Variants in LRRC20 observed in about 807,000 individuals in gnomAD.
LRRC20 encodes leucine-rich repeat-containing protein 20.
Under a neutral mutation model 14.4 loss-of-function variants are expected in LRRC20, and 11 were observed. That is an observed-to-expected ratio of 0.77 (90% CI 0.48 to 1.27). The LOEUF is 1.27. Ranked by LOEUF, LRRC20 falls within the 50% of genes most tolerant of loss-of-function variation. The pLI, the probability that LRRC20 is intolerant of heterozygous loss-of-function variation, is 0.00. For synonymous variants in LRRC20, 121 were observed against 107.3 expected (o/e 1.13, Z -0.79); for missense variants, 219 against 251.2 (o/e 0.87, Z 0.87).
intron 2 of LRRC20, among the ~76,000 whole-genome samples, chr10:70,374,336 T>G (rs1454733928): frequency 7.0e-6 from 1 of 142,472 alleles, no homozygotes; most frequent in Non-Finnish European, 1.5e-5. Context: ...GCTGTGTCCC[T>G]ATCCCCTGTG....
chr10:70,354,584 C>T (rs920590910), intron 2 of LRRC20, among the ~76,000 whole-genome samples: 2 of 152,146 alleles, frequency 1.3e-5, no homozygotes, highest in African/African-American at 2.4e-5. Flanking sequence ...CATCACTGGC[C>T]TAGAGGGGCC....
chr10:70,306,281 T>C (rs932529671), intron 4 of LRRC20, among the ~76,000 whole-genome samples: 17 of 152,266 alleles, frequency 1.1e-4, no homozygotes, highest in Non-Finnish European at 2.1e-4. Flanking sequence ...ATTGATAGAA[T>C]GTGTATCTAA....
At chr10:70,339,958 TA>T (rs568422977) in intron 3 of LRRC20, among the ~76,000 whole-genome samples, 133 of 151,610 alleles carry the variant, frequency 8.8e-4, no homozygotes, top group African/African-American at 3.1e-3. Context: ...CCACCTCTAT[TA>T]AAAATATTAA....
At chr10:70,369,882 C>T (rs1844197109) in intron 2 of LRRC20, among the ~76,000 whole-genome samples, 1 of 152,012 alleles carries the variant, frequency 6.6e-6, no homozygotes, top group Non-Finnish European at 1.5e-5. Flanking sequence ...GAGTTCGAGA[C>T]CAGCCTGGGC....
At chr10:70,369,605 C>CAA (rs71009298) in intron 2 of LRRC20, among the ~76,000 whole-genome samples, 4 of 68,586 alleles carry the variant, frequency 5.8e-5, no homozygotes, top group African/African-American at 2.4e-4. Flanking sequence ...GACGCTGTCT[C>CAA]AAAAAAAAAA....
chr10:70,366,600 C>A (rs146324343), intron 2 of LRRC20, among the ~76,000 whole-genome samples: 20 of 151,854 alleles, frequency 1.3e-4, no homozygotes, highest in African/African-American at 4.8e-4. Flanking sequence ...AAAAACATAC[C>A]GAGTGTTGAA....
chr10:70,317,668 C>T (rs940317735), intron 4 of LRRC20, among the ~76,000 whole-genome samples: 4 of 152,184 alleles, frequency 2.6e-5, no homozygotes, highest in African/African-American at 9.7e-5. Context: ...CGTGAGCCCC[C>T]AGGTCCAGTC....
chr10:70,304,488 A>ATATATATATATATATATG (rs1356600333), intron 4 of LRRC20, among the ~76,000 whole-genome samples: 4 of 141,436 alleles, frequency 2.8e-5, no homozygotes, highest in Non-Finnish European at 6.2e-5. Flanking sequence ...ATATATATAT[A>ATATATATATATATATATG]TATATATATA....
At position 70,326,297 on chromosome 10, in the gene LRRC20, TACACAC is replaced by T. The variant is rs3998644; in HGVS notation, c.233-2273_233-2268del. ...CTGCCCCCTTCCCAGCGCCTCTGTG[TACACAC>T]ACACACACACACACACACACACACA... On this transcript the variant is annotated intron_variant, in intron 3 of 4. Transcript: ENST00000446961. 2.9e-3 allele frequency among the ~76,000 whole-genome samples: 410 copies of T among 140,484 alleles called. 2 individuals are homozygous for T. Among genetic ancestry groups the T allele is most frequent in the Admixed American group, 0.012 (171 of 14,106 alleles). The allele number at this position is 140,484 out of a possible 152,430, so 92.2% of individuals were successfully genotyped here.
chr10:70,302,569 C>T (rs927971040), intron 4 of LRRC20, among the ~76,000 whole-genome samples: 4 of 152,124 alleles, frequency 2.6e-5, no homozygotes, highest in African/African-American at 4.8e-5. Flanking sequence ...GTAATTAATG[C>T]CACTGAGCTA....
At chr10:70,375,473 G>A (rs1844471022) in intron 2 of LRRC20, among the ~76,000 whole-genome samples, 2 of 10,338 alleles carry the variant, frequency 1.9e-4, no homozygotes, top group Admixed American at 4.4e-3. Flanking sequence ...TCCACTTCCT[G>A]GACCACCTCT....
chr10:70,371,830 G>A (rs1589128716), intron 2 of LRRC20, among the ~76,000 whole-genome samples: 1 of 151,116 alleles, frequency 6.6e-6, no homozygotes, highest in South Asian at 2.1e-4. Flanking sequence ...CTCTGGGGAT[G>A]GAGAAGCCTG....
At chr10:70,326,662 C>T (rs1231275400) in intron 3 of LRRC20, among the ~76,000 whole-genome samples, 1 of 152,174 alleles carries the variant, frequency 6.6e-6, no homozygotes, top group African/African-American at 2.4e-5. Flanking sequence ...CAGAACGCTG[C>T]TATCCAGATC....
At chr10:70,354,961 C>T (rs966031865) in intron 2 of LRRC20, among the ~76,000 whole-genome samples, 9 of 152,114 alleles carry the variant, frequency 5.9e-5, no homozygotes, top group Non-Finnish European at 1.2e-4. Flanking sequence ...GGCCTTGTCC[C>T]CTCATCTGTA....
intron 2 of LRRC20, among the ~76,000 whole-genome samples, chr10:70,374,810 G>C (rs1020713451): frequency 1.3e-5 from 2 of 152,214 alleles, no homozygotes; most frequent in East Asian, 3.8e-4. Context: ...CTCGCCACCA[G>C]CTTTTGGGAA....
chr10:70,350,604 C>T (rs925745259), intron 2 of LRRC20, among the ~76,000 whole-genome samples: 5 of 152,174 alleles, frequency 3.3e-5, no homozygotes, highest in African/African-American at 1.2e-4. Context: ...AGAACTTTGA[C>T]CCCTGCCAGC....
chr10:70,327,060 C>T (rs920155557), intron 3 of LRRC20, among the ~76,000 whole-genome samples: 17 of 152,176 alleles, frequency 1.1e-4, no homozygotes, highest in African/African-American at 3.9e-4. Flanking sequence ...AGCATCTACC[C>T]CTGGAGACAT....
intron 4 of LRRC20, among the ~76,000 whole-genome samples, chr10:70,316,723 A>T (rs895742328): frequency 9.2e-5 from 14 of 152,194 alleles, no homozygotes; most frequent in African/African-American, 3.1e-4. Context: ...TGTTTGTTTA[A>T]TCCCAACCTC....
chr10:70,378,385 G>A (rs960252316), intron 1 of LRRC20, among the ~76,000 whole-genome samples: 1 of 151,880 alleles, frequency 6.6e-6, no homozygotes, highest in Non-Finnish European at 1.5e-5. Flanking sequence ...ACTCATGCCT[G>A]TAATCCCAGC....
Sources: gnomAD v4.1 joint callset for allele counts (sites outside exome capture counted in the v4.1 genomes callset) on GRCh38, gnomAD v4.1.1 for gene constraint, MANE v1.5 for transcripts, NCBI Gene and HGNC (gene_info 2026-07-23, HGNC 2026-07-21) for gene names.